The following NRG3 variants were observed in gnomAD, a reference collection of about 807,000 sequenced individuals.
NRG3 encodes pro-neuregulin-3, membrane-bound isoform.
Under a neutral mutation model 66.9 loss-of-function variants are expected in NRG3, and 31 were observed. The observed-to-expected ratio is 0.46, with a 90% CI of 0.35 to 0.63. The LOEUF (loss-of-function observed/expected upper bound fraction) is 0.63. Among genes scored for constraint, NRG3 ranks in the 20% least tolerant of loss-of-function variants. The probability of loss-of-function intolerance (pLI) is 0.00; values close to 1 mark genes in which losing one functional copy is unlikely to be tolerated. For missense variants in NRG3, 910 were observed against 878.9 expected, an observed-to-expected ratio of 1.04 and a Z score of -0.45; for synonymous variants, 393 against 359.4, an observed-to-expected ratio of 1.09 and a Z score of -1.06.
At chr10:82,957,714 C>T (rs1361717352) in intron 5 of NRG3, among the ~76,000 whole-genome samples, 1 of 151,882 alleles carries the variant, frequency 6.6e-6, no homozygotes, top group Non-Finnish European at 1.5e-5. Flanking sequence ...TCTATTGATC[C>T]TTGTAGCCAA....
Position 82,317,240 on chromosome 10 carries a change from G to A in NRG3, c.824-41499G>A, listed in dbSNP as rs139326609. Among the ~76,000 whole-genome samples the A allele has an allele frequency of 6.0e-5, 9 of 149,882 alleles. No homozygotes were observed. The East Asian group carries it at 7.8e-4, about 13-fold the overall frequency. On this transcript the variant is annotated intron_variant, in intron 1 of 8. Coordinates refer to ENST00000372141, the MANE Select transcript of NRG3 (RefSeq NM_001010848.4). ...TTTTGCTGTAACAGGCATGAATTTC[G>A]TGTTTCAATGATACAACAGTAATCT...
At chr10:82,123,135 A>C (rs1182473846) in intron 1 of NRG3, among the ~76,000 whole-genome samples, 1 of 152,206 alleles carries the variant, frequency 6.6e-6, no homozygotes, top group East Asian at 1.9e-4. Flanking sequence ...ATGTTATTTT[A>C]AGACAGAATA....
At chr10:82,405,613 G>A (rs547817451) in intron 2 of NRG3, among the ~76,000 whole-genome samples, 3 of 152,038 alleles carry the variant, frequency 2.0e-5, no homozygotes, top group South Asian at 2.1e-4. Flanking sequence ...GACTACAGGT[G>A]TGCATCACCC....
intron 1 of NRG3, among the ~76,000 whole-genome samples, chr10:82,318,260 G>A (rs1430181209): frequency 2.6e-5 from 4 of 152,086 alleles, no homozygotes; most frequent in Non-Finnish European, 5.9e-5. Flanking sequence ...GGAACCAAAG[G>A]TGGAGGCAGG....
chr10:81,982,380 T>C (rs2060361386), intron 1 of NRG3, among the ~76,000 whole-genome samples: 2 of 152,236 alleles, frequency 1.3e-5, no homozygotes, highest in Non-Finnish European at 2.9e-5. Flanking sequence ...CAAGGCAATC[T>C]AAGCTTCCTC....
In NRG3 at chr10:82,131,308, A is replaced by C. The variant is rs1452614994; in HGVS notation, c.824-227431A>C. Among the ~76,000 whole-genome samples, 5 of 152,106 alleles carry C rather than the reference A, an allele frequency of 3.3e-5. No individual in the cohort carries two copies. In the East Asian group the frequency reaches 7.7e-4, roughly 23 times the overall value. On this transcript the variant is annotated intron_variant, in intron 1 of 8. Coordinates refer to ENST00000372141, the MANE Select transcript of NRG3 (RefSeq NM_001010848.4). The stretch of plus-strand genomic sequence containing the variant: ...TATTTAAAGAGACTACCCTTTCCCC[A>C]ATGTATGTTCTTAGCTTGTTTGTTG...
intron 4 of NRG3, among the ~76,000 whole-genome samples, chr10:82,896,594 T>C (rs899305030): frequency 6.6e-6 from 1 of 152,320 alleles, no homozygotes; most frequent in Admixed American, 6.5e-5. Context: ...AATGTGAACA[T>C]TGATATATGT....
At chr10:82,022,736 T>C (rs1244242073) in intron 1 of NRG3, among the ~76,000 whole-genome samples, 2 of 151,986 alleles carry the variant, frequency 1.3e-5, no homozygotes, top group African/African-American at 4.8e-5. Flanking sequence ...CACTTGAAAT[T>C]TACTAGTCCC....
intron 1 of NRG3, among the ~76,000 whole-genome samples, chr10:82,131,206 A>T (rs1276478503): frequency 6.6e-6 from 1 of 151,976 alleles, no homozygotes; most frequent in African/African-American, 2.4e-5. Context: ...ATCCATTTTG[A>T]TTTGATTTCT....
At chr10:82,474,175 C>G (rs1211474343) in intron 2 of NRG3, among the ~76,000 whole-genome samples, 1 of 151,702 alleles carries the variant, frequency 6.6e-6, no homozygotes, top group South Asian at 2.1e-4. Context: ...TTTGCAAGTA[C>G]TCTATTTTCT....
In NRG3 at chr10:82,543,648, T is replaced by C. The variant is rs191211151; in HGVS notation, c.953+184780T>C. On this transcript the variant is annotated intron_variant, in intron 2 of 8. Transcript: ENST00000372141. Reference sequence around the variant, plus strand: ...CGTCCAGGGACTGTGATGAGTATTTTCATCTATATTACCTTATTTACATTT... The same window carrying C: ...CGTCCAGGGACTGTGATGAGTATTTCCATCTATATTACCTTATTTACATTT... Among the ~76,000 whole-genome samples, 128 of 152,344 alleles carry C rather than the reference T, an allele frequency of 8.4e-4. 1 individual carries two copies. Among genetic ancestry groups the C allele is most frequent in the African/African-American group, 2.9e-3 (121 of 41,588 alleles).
intron 1 of NRG3, among the ~76,000 whole-genome samples, chr10:82,062,138 G>A (rs1246395255): frequency 1.3e-5 from 2 of 152,074 alleles, no homozygotes; most frequent in African/African-American, 4.8e-5. Context: ...CAAGCAGCCC[G>A]GGAAACAAAG....
intron 2 of NRG3, among the ~76,000 whole-genome samples, chr10:82,608,313 G>T (rs1262541605): frequency 6.6e-6 from 1 of 152,058 alleles, no homozygotes; most frequent in Non-Finnish European, 1.5e-5. Flanking sequence ...TTTATGTAAG[G>T]TGTATCTTGC....
intron 2 of NRG3, among the ~76,000 whole-genome samples, chr10:82,576,725 C>T (rs888050347): frequency 6.6e-6 from 1 of 151,770 alleles, no homozygotes. Flanking sequence ...GCTGAAAATT[C>T]TAACCCCCAG....
intron 3 of NRG3, among the ~76,000 whole-genome samples, chr10:82,833,578 C>T (rs2062632803): frequency 6.6e-6 from 1 of 152,152 alleles, no homozygotes; most frequent in Non-Finnish European, 1.5e-5. Context: ...TGCCCTTCTG[C>T]ATACCAGCAT....
chr10:82,898,538 G>A (rs1213733959), intron 4 of NRG3, among the ~76,000 whole-genome samples: 1 of 152,000 alleles, frequency 6.6e-6, no homozygotes, highest in Non-Finnish European at 1.5e-5. Flanking sequence ...CCAAAATTTG[G>A]AATGACCTTG....
At chr10:81,935,962 T>TG (rs1469546801) in intron 1 of NRG3, among the ~76,000 whole-genome samples, 1 of 151,594 alleles carries the variant, frequency 6.6e-6, no homozygotes. Flanking sequence ...GTCAGCTCTC[T>TG]GGGGGGAAGG....
chr10:82,013,435 CTT>C (rs1036062552), intron 1 of NRG3, among the ~76,000 whole-genome samples: 2 of 152,036 alleles, frequency 1.3e-5, no homozygotes, highest in African/African-American at 2.4e-5. Flanking sequence ...TGATGGGAAA[CTT>C]TTATTTTTCC....
In NRG3 at chr10:82,866,051, C is replaced by T. The variant is rs969146185; in HGVS notation, c.1054+614C>T. 6.7e-4 allele frequency among the ~76,000 whole-genome samples: 102 copies of T among 152,198 alleles called. 1 individual carries two copies. The highest frequency in any genetic ancestry group is 8.8e-5 in the Non-Finnish European group (6 of 68,004). ...GCATTGTTTTTATAGTCACAGATAA[C>T]TGCATTCAAAATTAGACCTAATTCT... On this transcript the variant is annotated intron_variant, in intron 4 of 8. Transcript: ENST00000372141.
Sources: allele counts gnomAD v4.1 joint callset (sites outside exome capture counted in the v4.1 genomes callset), GRCh38; gene constraint gnomAD v4.1.1; transcripts MANE v1.5; gene names NCBI Gene and HGNC (gene_info 2026-07-23, HGNC 2026-07-21).